The following LDAH variants were observed in gnomAD, a reference collection of about 807,000 sequenced individuals.
LDAH encodes lipid droplet-associated hydrolase.
LDAH carries 26 observed loss-of-function variants against 29.6 expected under a neutral mutation model. The ratio of observed to expected loss-of-function variants is 0.88; its 90% CI spans 0.64 to 1.22. The LOEUF (loss-of-function observed/expected upper bound fraction) is 1.22. LDAH is among the 50% of genes most tolerant of loss of function. The pLI is 0.00. For synonymous variants in LDAH, 117 were observed against 133.0 expected, an observed-to-expected ratio of 0.88 and a Z score of 0.83; for missense variants, 344 against 387.3, an observed-to-expected ratio of 0.89 and a Z score of 0.94.
At chr2:20,719,543 A>C (rs1488125378) in intron 5 of LDAH, among the ~76,000 whole-genome samples, 1 of 152,164 alleles carries the variant, frequency 6.6e-6, no homozygotes, top group African/African-American at 2.4e-5. Context: ...GAATTCTACC[A>C]AACATCTGAA....
chr2:20,802,771 C>T (rs1671795530), intron 1 of LDAH, among the ~76,000 whole-genome samples: 2 of 152,198 alleles, frequency 1.3e-5, no homozygotes, highest in Non-Finnish European at 2.9e-5. Context: ...CATATTTAAT[C>T]CCATAACTGT....
intron 1 of LDAH, among the ~76,000 whole-genome samples, chr2:20,822,834 C>T (rs1448574995): frequency 6.6e-6 from 1 of 152,222 alleles, no homozygotes; most frequent in Non-Finnish European, 1.5e-5. Context: ...GCCCGGCCTG[C>T]AACTCAAGGG....
At position 20,684,429 on chromosome 2, in the gene LDAH, C is replaced by G. The variant is rs143035704; in HGVS notation, c.*2474G>C. 2 of 152,800 alleles carry G rather than the reference C, an allele frequency of 1.3e-5. No individual in the cohort carries two copies. The highest frequency in any genetic ancestry group is 4.8e-5 in the African/African-American group (2 of 41,376). The allele number at this position is 152,800 out of a possible 1,614,324, so 9.5% of individuals were successfully genotyped here. On this transcript the variant is annotated 3_prime_UTR_variant, in exon 7 of 7. Coordinates refer to ENST00000237822, the MANE Select transcript of LDAH (RefSeq NM_021925.4). Reference sequence around the variant, plus strand: ...TCTTTTTTAAAAATTATTTTAGACACGAGGTCTCGTTTTTTGCACGGGCTG... The same window carrying G: ...TCTTTTTTAAAAATTATTTTAGACAGGAGGTCTCGTTTTTTGCACGGGCTG...
Position 20,746,319 on chromosome 2 carries a change from A to G in LDAH, c.469-6114T>C, listed in dbSNP as rs367804126. Among the ~76,000 whole-genome samples, 9 of 152,336 alleles carry G rather than the reference A, an allele frequency of 5.9e-5. No individual in the cohort carries two copies. The East Asian group carries it at 1.5e-3, about 26-fold the overall frequency. On this transcript the variant is annotated intron_variant, in intron 4 of 6. Transcript: ENST00000237822. The stretch of plus-strand genomic sequence containing the variant: ...TGTGACCCATGTTAAGCAAAACTGC[A>G]TGTAAGGGAAACTCTAAAAATATAT...
Position 20,773,862 on chromosome 2 carries a change from C to T in LDAH, c.468+948G>A, listed in dbSNP as rs970857216. 3.3e-5 allele frequency among the ~76,000 whole-genome samples: 5 copies of T among 152,104 alleles called. No individual in the cohort carries two copies. The East Asian group carries it at 7.7e-4, about 23-fold the overall frequency. ...ATCCTAGCACAAAGCAGCCATGAAG[C>T]GATCACGTCCTATCTTGGCTTCAGA... On this transcript the variant is annotated intron_variant, in intron 4 of 6. Coordinates refer to ENST00000237822, the MANE Select transcript of LDAH (RefSeq NM_021925.4).
chr2:20,687,285 G>T lies in LDAH; in HGVS notation c.787-191C>A, dbSNP rs548180385. Among the ~76,000 whole-genome samples, 4 of 152,312 alleles carry T rather than the reference G, an allele frequency of 2.6e-5. No homozygotes were observed. The South Asian group carries it at 8.3e-4, about 32-fold the overall frequency. On this transcript the variant is annotated intron_variant, in intron 6 of 6. Transcript: ENST00000237822. Reference sequence around the variant, plus strand: ...ACGATGTACAGGAGTGCACTTAGAAGAATTTGGTGGGAAGATCCCCATGCT... The same window carrying T: ...ACGATGTACAGGAGTGCACTTAGAATAATTTGGTGGGAAGATCCCCATGCT...
chr2:20,755,686 T>C (rs1668294400), intron 4 of LDAH, among the ~76,000 whole-genome samples: 1 of 151,926 alleles, frequency 6.6e-6, no homozygotes, highest in Admixed American at 6.6e-5. Flanking sequence ...TGTGTAGAAA[T>C]AGAAGAAAGA....
chr2:20,739,879 T>A, intron 5 of LDAH, 92 bp downstream of exon 5: 1 of 859,108 alleles, frequency 1.2e-6, no homozygotes, highest in South Asian at 2.4e-5. Context: ...AGTAAATAAT[T>A]GCTTGCTTGA....
intron 1 of LDAH, among the ~76,000 whole-genome samples, chr2:20,814,230 G>T (rs1052599953): frequency 3.3e-4 from 2 of 6,006 alleles, no homozygotes; most frequent in Non-Finnish European, 8.4e-3. Flanking sequence ...GTCTGACAAT[G>T]GGGGGGGGGG....
intron 5 of LDAH, among the ~76,000 whole-genome samples, chr2:20,720,569 C>T (rs1461941681): frequency 6.6e-6 from 1 of 151,994 alleles, no homozygotes; most frequent in East Asian, 1.9e-4. Flanking sequence ...AGATTCAATG[C>T]AATCTCTCTC....
chr2:20,712,516 C>A (rs1285566854), intron 5 of LDAH, among the ~76,000 whole-genome samples: 1 of 152,132 alleles, frequency 6.6e-6, no homozygotes. Context: ...AGCAATGGAA[C>A]AAAGCTGGAC....
intron 6 of LDAH, among the ~76,000 whole-genome samples, chr2:20,699,146 A>T (rs1275466789): frequency 1.3e-5 from 2 of 152,240 alleles, no homozygotes; most frequent in African/African-American, 4.8e-5. Flanking sequence ...AGATACAGGA[A>T]ATGATTTTTC....
At chr2:20,736,345 G>C (rs1270962054) in intron 5 of LDAH, among the ~76,000 whole-genome samples, 1 of 152,100 alleles carries the variant, frequency 6.6e-6, no homozygotes, top group African/African-American at 2.4e-5. Context: ...GGGAGACTGA[G>C]GCAGGAGAAT....
intron 4 of LDAH, among the ~76,000 whole-genome samples, chr2:20,743,990 A>G (rs1331209521): frequency 3.3e-5 from 5 of 151,784 alleles, no homozygotes; most frequent in African/African-American, 7.3e-5. Flanking sequence ...CAATCTACTG[A>G]TAAGCCCATC....
chr2:20,789,535 T>C (rs1251378509), intron 3 of LDAH, among the ~76,000 whole-genome samples: 1 of 152,128 alleles, frequency 6.6e-6, no homozygotes, highest in Non-Finnish European at 1.5e-5. Flanking sequence ...ACCCACACTG[T>C]GTTTTCTCCT....
At chr2:20,768,059 T>C (rs1301759061) in intron 4 of LDAH, among the ~76,000 whole-genome samples, 1 of 152,212 alleles carries the variant, frequency 6.6e-6, no homozygotes, top group African/African-American at 2.4e-5. Flanking sequence ...GGGTCTTCTC[T>C]GAGCTGTTTT....
chr2:20,724,445 G>A (rs946813312), intron 5 of LDAH, among the ~76,000 whole-genome samples: 8 of 152,210 alleles, frequency 5.3e-5, no homozygotes, highest in African/African-American at 1.9e-4. Context: ...GTATCAGTAA[G>A]GAAGGGTTGT....
At chr2:20,702,600 C>T (rs926469211) in intron 5 of LDAH, among the ~76,000 whole-genome samples, 17 of 152,070 alleles carry the variant, frequency 1.1e-4, no homozygotes, top group African/African-American at 4.1e-4. Flanking sequence ...TCCTCCCCAC[C>T]CAGGATTTAA....
intron 3 of LDAH, among the ~76,000 whole-genome samples, chr2:20,789,804 A>T (rs1167232397): frequency 6.6e-6 from 1 of 152,140 alleles, no homozygotes; most frequent in Non-Finnish European, 1.5e-5. Context: ...CCTACTGTGA[A>T]CTGTGCATGC....
Sources: gnomAD v4.1 joint callset for allele counts (sites outside exome capture counted in the v4.1 genomes callset) on GRCh38, gnomAD v4.1.1 for gene constraint, MANE v1.5 for transcripts, NCBI Gene and HGNC (gene_info 2026-07-23, HGNC 2026-07-21) for gene names.